The following SLCO1C1 variants were observed in gnomAD, a reference collection of about 807,000 sequenced individuals.
SLCO1C1 encodes the protein OAT-RP-5.
SLCO1C1 carries 70 observed loss-of-function variants against 76.4 expected under a neutral mutation model. That is an observed-to-expected ratio of 0.92 (90% CI 0.76 to 1.12). The LOEUF is 1.12. SLCO1C1 is among the 50% of genes most tolerant of loss of function. SLCO1C1 has a pLI of 0.00. For missense variants in SLCO1C1, 912 were observed against 823.8 expected (o/e 1.11, Z -1.31); for synonymous variants, 306 against 286.1 (o/e 1.07, Z -0.70).
chr12:20,703,958 T>C (rs1946650897), intron 3 of SLCO1C1, among the ~76,000 whole-genome samples: 2 of 116,952 alleles, frequency 1.7e-5, no homozygotes, highest in South Asian at 2.4e-4. Context: ...AGTGTGTCTG[T>C]GTGTGTGTGT....
At chr12:20,727,170 A>G (rs1192911345) in intron 9 of SLCO1C1, among the ~76,000 whole-genome samples, 1 of 152,166 alleles carries the variant, frequency 6.6e-6, no homozygotes, top group African/African-American at 2.4e-5. Flanking sequence ...ATATGGGTGC[A>G]TGTGTCCTTT....
chr12:20,696,042 C>A lies in SLCO1C1; in HGVS notation c.-26+235C>A, dbSNP rs114582663. Among the ~76,000 whole-genome samples the A allele has an allele frequency of 1.9e-3, 291 of 152,112 alleles. 3 individuals carry two copies. The highest frequency in any genetic ancestry group is 6.9e-3 in the African/African-American group (285 of 41,510). On this transcript the variant is annotated intron_variant, in intron 1 of 14. Transcript: ENST00000266509. ...TGCTTATAAATTGTTTAGCTTTTGA[C>A]AAGTCACTTAATTGCTTTGGGCCAT...
chr12:20,744,039 C>G (rs1948934543), intron 13 of SLCO1C1, among the ~76,000 whole-genome samples: 1 of 151,880 alleles, frequency 6.6e-6, no homozygotes. Context: ...GAAAGAAAAA[C>G]AAACTCAAAG....
chr12:20,735,944 T>A (rs1948516594), intron 10 of SLCO1C1, among the ~76,000 whole-genome samples: 1 of 152,146 alleles, frequency 6.6e-6, no homozygotes. Flanking sequence ...ATTGTACAGT[T>A]CAGTGTATTT....
chr12:20,741,374 T>G (rs1379070751), intron 12 of SLCO1C1, among the ~76,000 whole-genome samples: 1 of 152,140 alleles, frequency 6.6e-6, no homozygotes, highest in African/African-American at 2.4e-5. Flanking sequence ...ACATAAAAAT[T>G]TTTTATCATA....
chr12:20,699,852 A>T, intron 2 of SLCO1C1, 147 bp downstream of exon 2: 1 of 900,596 alleles, frequency 1.1e-6, no homozygotes, highest in Non-Finnish European at 1.6e-6. Flanking sequence ...ACACCTTGCC[A>T]GGCGGTGCAA....
chr12:20,723,735 G>C (rs56245381), intron 9 of SLCO1C1, among the ~76,000 whole-genome samples: 2 of 152,186 alleles, frequency 1.3e-5, no homozygotes, highest in Non-Finnish European at 2.9e-5. Flanking sequence ...AAAGTATGAA[G>C]AAATGAAAGA....
At position 20,740,402 on chromosome 12, in the gene SLCO1C1, A is replaced by C. The variant is rs756947221; in HGVS notation, c.1733+34A>C. On this transcript the variant is annotated intron_variant, in intron 12 of 14. Coordinates refer to ENST00000266509, the MANE Select transcript of SLCO1C1 (RefSeq NM_017435.5). ...TGATTCTCCCTATTCTAATTTTAAC[A>C]CAAGACACAATCATCTCGAGCAATG... The C allele has an allele frequency of 1.9e-6, 3 of 1,558,514 alleles. No individual in the cohort carries two copies. In the East Asian group the frequency reaches 6.9e-5, roughly 36 times the overall value.
intron 9 of SLCO1C1, among the ~76,000 whole-genome samples, chr12:20,724,407 GTGTGTATA>G (rs1350790024): frequency 0.027 from 1,211 of 44,466 alleles, 4 homozygotes; most frequent in Non-Finnish European, 0.036. Context: ...GTGTGTGTGT[GTGTGTATA>G]TATATATATA....
chr12:20,705,938 T>C lies in SLCO1C1; in HGVS notation c.272-11T>C. The stretch of plus-strand genomic sequence containing the variant: ...TCTCTAATTTATGATGTTTTATTCT[T>C]TTCCTCAAAGGGAATCTCTTAGTTA... On this transcript the variant is annotated splice_polypyrimidine_tract_variant and intron_variant, in intron 3 of 14. Coordinates refer to ENST00000266509, the MANE Select transcript of SLCO1C1 (RefSeq NM_017435.5). The C allele has an allele frequency of 6.2e-7, 1 of 1,611,902 alleles. No individual in the cohort carries two copies. The highest frequency in any genetic ancestry group is 8.5e-7 in the Non-Finnish European group (1 of 1,178,736).
At chr12:20,717,280 T>G in intron 7 of SLCO1C1, 50 bp downstream of exon 7, 1 of 1,402,124 alleles carries the variant, frequency 7.1e-7, no homozygotes, top group Non-Finnish European at 9.8e-7. Flanking sequence ...CACTGTAACA[T>G]TTTTAATGGG....
At chr12:20,726,822 A>G (rs1373828233) in intron 9 of SLCO1C1, among the ~76,000 whole-genome samples, 1 of 152,194 alleles carries the variant, frequency 6.6e-6, no homozygotes, top group African/African-American at 2.4e-5. Flanking sequence ...TAGTGAGCAT[A>G]GTACCCAATG....
chr12:20,696,561 A>G (rs1209009892), intron 1 of SLCO1C1, among the ~76,000 whole-genome samples: 1 of 152,108 alleles, frequency 6.6e-6, no homozygotes, highest in Non-Finnish European at 1.5e-5. Flanking sequence ...GAACCAAAGG[A>G]AGAGAAACTG....
chr12:20,740,787 T>TTATAGATATATA (rs1948772546), intron 12 of SLCO1C1, among the ~76,000 whole-genome samples: 2 of 75,058 alleles, frequency 2.7e-5, no homozygotes, highest in African/African-American at 1.1e-4. Flanking sequence ...TTTATTTTAT[T>TTATAGATATATA]TATATATATA....
At chr12:20,744,121 A>G (rs1948937341) in intron 13 of SLCO1C1, among the ~76,000 whole-genome samples, 1 of 152,068 alleles carries the variant, frequency 6.6e-6, no homozygotes, top group South Asian at 2.1e-4. Flanking sequence ...AAGATAATAG[A>G]ATCCTGATAA....
chr12:20,717,648 CTTTTTTTTTTTTTTTTTTT>C (rs534946900), intron 7 of SLCO1C1, among the ~76,000 whole-genome samples: 481 of 42,316 alleles, frequency 0.011, 9 homozygotes, highest in African/African-American at 0.029. Flanking sequence ...AACAGCCCTT[CTTTTTTTTTTTTTTTTTTT>C]TTTTTTTTTT....
intron 14 of SLCO1C1, 30 bp downstream of exon 14, chr12:20,750,822 A>G (rs776285442): frequency 1.2e-6 from 2 of 1,613,804 alleles, no homozygotes; most frequent in Non-Finnish European, 1.7e-6. Context: ...CCCGCATCTC[A>G]TTGCTACAGC....
At chr12:20,741,439 T>A (rs569046751) in intron 12 of SLCO1C1, among the ~76,000 whole-genome samples, 99 of 152,312 alleles carry the variant, frequency 6.5e-4, no homozygotes, top group Admixed American at 1.1e-3. Context: ...ATTTTTATTT[T>A]AAAAATAACA....
intron 11 of SLCO1C1, among the ~76,000 whole-genome samples, chr12:20,738,347 T>C (rs920838664): frequency 6.6e-6 from 1 of 152,154 alleles, no homozygotes; most frequent in Non-Finnish European, 1.5e-5. Context: ...CTGCTTTCTA[T>C]TTGTGACTGA....
Sources: allele counts gnomAD v4.1 joint callset (sites outside exome capture counted in the v4.1 genomes callset), GRCh38; gene constraint gnomAD v4.1.1; transcripts MANE v1.5; gene names NCBI Gene and HGNC (gene_info 2026-07-23, HGNC 2026-07-21).